BCLAF3: variants seen among roughly 807,000 people sequenced by gnomAD.
The protein encoded by BCLAF3 is BCLAF1 and THRAP3 family member 3, also known as transient octamer binding factor 1.
In BCLAF3, 24 loss-of-function variants were observed where a neutral mutation model predicts 51.2. The observed-to-expected ratio is 0.47, with a 90% CI of 0.34 to 0.66. The LOEUF is 0.66. Among genes scored for constraint, BCLAF3 ranks in the 30% least tolerant of loss-of-function variants. The pLI is 0.01. For missense variants in BCLAF3, 465 were observed against 525.1 expected (o/e 0.89, Z 1.12); for synonymous variants, 152 against 176.6 (o/e 0.86, Z 1.10).
intron 4 of BCLAF3, among the ~76,000 whole-genome samples, chrX:19,959,748 G>C (rs1453923005): frequency 2.7e-5 from 3 of 110,574 alleles, no homozygotes; most frequent in African/African-American, 9.9e-5. Flanking sequence ...ACTGCATCCA[G>C]CTTGGGTGAC....
In BCLAF3 at chrX:19,917,295, C is replaced by G. The variant is rs377571469; in HGVS notation, c.*10G>C. 2.0e-4 allele frequency: 240 copies of G among 1,195,867 alleles called. No homozygotes were observed. Among genetic ancestry groups the G allele is most frequent in the Non-Finnish European group, 2.4e-4 (216 of 884,345 alleles). On this transcript the variant is annotated 3_prime_UTR_variant, in exon 12 of 12. Coordinates refer to ENST00000379682, the MANE Select transcript of BCLAF3 (RefSeq NM_001367774.2). ...TCCTGTAGCGTCATTTCCATTTGTA[C>G]GATTTCAGATTAGATTCCTGTGGCA...
rs2071628627 is a variant in BCLAF3, at chrX:19,955,402, T to C, written c.1439A>G (p.His480Arg). 1 of 1,191,314 alleles carries C rather than the reference T, an allele frequency of 8.4e-7. No individual in the cohort carries two copies. Among genetic ancestry groups the C allele is most frequent in the African/African-American group, 1.8e-5 (1 of 56,245 alleles). The change falls in exon 5 of 12, where the codon CAT becomes CGT. Residue 480 changes from histidine to arginine, a missense_variant. Transcript: ENST00000379682. Reference protein sequence around the residue: ...EFAQEIITIIHQVKANYFPSP... With the variant: ...EFAQEIITIIRQVKANYFPSP... Reference sequence around the variant, plus strand: ...CAAAATATACCAACCTTTAACTTGATGGATTATTGTTATGATTTCCTGAGC... The same window carrying C: ...CAAAATATACCAACCTTTAACTTGACGGATTATTGTTATGATTTCCTGAGC...
intron 4 of BCLAF3, 47 bp downstream of exon 4, chrX:19,964,997 T>C (rs761555293): frequency 1.6e-5 from 16 of 1,015,489 alleles, no homozygotes; most frequent in East Asian, 3.2e-5. Context: ...CAAATAAAGA[T>C]TGTAGAAACA....
At position 19,959,817 on chromosome X, in the gene BCLAF3, T is replaced by C. The variant is rs769818897; in HGVS notation, c.1275-4251A>G. Among the ~76,000 whole-genome samples, 3 of 110,442 alleles carry C rather than the reference T, an allele frequency of 2.7e-5. No individual in the cohort carries two copies. In the South Asian group the frequency reaches 1.2e-3, roughly 44 times the overall value. On this transcript the variant is annotated intron_variant, in intron 4 of 11. Transcript: ENST00000379682. ...TCAACATTTTATTTTTATTTTCTTTTTGAGACAGGGTCTGGCTCTGTCACC... is the reference window on the plus strand; with the variant it reads ...TCAACATTTTATTTTTATTTTCTTTCTGAGACAGGGTCTGGCTCTGTCACC...
At chrX:19,951,221 T>C (rs1394599547) in intron 7 of BCLAF3, among the ~76,000 whole-genome samples, 2 of 111,027 alleles carry the variant, frequency 1.8e-5, no homozygotes, top group African/African-American at 6.6e-5. Flanking sequence ...ATGGTAAACT[T>C]AAGTCAAAAG....
intron 4 of BCLAF3, among the ~76,000 whole-genome samples, chrX:19,962,424 A>T (rs1455944396): frequency 8.9e-6 from 1 of 112,126 alleles, no homozygotes; most frequent in Non-Finnish European, 1.9e-5. Flanking sequence ...TCAAGCAATT[A>T]GCCTGCCCCG....
chrX:19,966,746 G>A (rs2147964347), intron 2 of BCLAF3, 97 bp from the exon 3 acceptor site: 7 of 688,170 alleles, frequency 1.0e-5, no homozygotes, highest in East Asian at 3.3e-5. Flanking sequence ...AGGATCCCTC[G>A]GCTTCTTCCA....
At chrX:19,922,902 A>C (rs868866526) in intron 11 of BCLAF3, among the ~76,000 whole-genome samples, 5 of 111,040 alleles carry the variant, frequency 4.5e-5, no homozygotes, top group African/African-American at 1.6e-4. Context: ...TCTCAAAAAA[A>C]AAAAATTATA....
At chrX:19,934,209 C>T (rs2070673408) in intron 10 of BCLAF3, among the ~76,000 whole-genome samples, 1 of 112,172 alleles carries the variant, frequency 8.9e-6, no homozygotes, top group African/African-American at 3.2e-5. Context: ...TTACATATAT[C>T]TTGAAAACAT....
intron 11 of BCLAF3, among the ~76,000 whole-genome samples, chrX:19,927,936 C>A (rs2070411686): frequency 9.3e-6 from 1 of 107,756 alleles, no homozygotes; most frequent in Admixed American, 1.0e-4. Flanking sequence ...AGTGCAGTTG[C>A]ATGATCATGG....
chrX:19,966,755 C>A, intron 2 of BCLAF3, 106 bp from the exon 3 acceptor site: 1 of 630,272 alleles, frequency 1.6e-6, no homozygotes, highest in South Asian at 2.9e-5. Flanking sequence ...CGGCTTCTTC[C>A]ACTCAAACTA....
rs773230676 is a variant in BCLAF3, at chrX:19,965,734, T to C, written c.612-28A>G. On this transcript the variant is annotated intron_variant, in intron 3 of 11. Transcript: ENST00000379682. The stretch of plus-strand genomic sequence containing the variant: ...GTGTTGACATAAAGCAGTTTACACT[T>C]GCAATAGAGAGAAGAAAGGGAGAAT... 4.5e-6 allele frequency: 5 copies of C among 1,099,166 alleles called. No homozygotes were observed. In the East Asian group the frequency reaches 1.5e-4, roughly 34 times the overall value. 90.6% of individuals were successfully genotyped at this position (1,099,166 alleles called of 1,213,427 possible). A position where few individuals can be genotyped will look rare whatever the true frequency, so the allele number is the denominator to read the frequency against.
chrX:19,980,181 C>A (rs2072564753), intron 1 of BCLAF3, among the ~76,000 whole-genome samples: 1 of 111,675 alleles, frequency 9.0e-6, no homozygotes, highest in Non-Finnish European at 1.9e-5. Context: ...TAATCTAGAA[C>A]AAGTAAGTCT....
intron 2 of BCLAF3, among the ~76,000 whole-genome samples, chrX:19,968,013 ATC>A (rs992189129): frequency 1.8e-5 from 2 of 112,503 alleles, no homozygotes; most frequent in Admixed American, 1.9e-4. Context: ...GGAAGATTTC[ATC>A]TCTTTCACAG....
intron 1 of BCLAF3, among the ~76,000 whole-genome samples, chrX:19,979,943 G>A (rs1360333950): frequency 9.1e-6 from 1 of 110,307 alleles, no homozygotes; most frequent in Non-Finnish European, 1.9e-5. Context: ...ATAGTGGGGA[G>A]AGGGAAAGAA....
chrX:19,928,742 C>T (rs2070444837), intron 11 of BCLAF3, among the ~76,000 whole-genome samples: 1 of 108,877 alleles, frequency 9.2e-6, no homozygotes, highest in South Asian at 3.8e-4. Flanking sequence ...ACCATTCAGC[C>T]TTAAAAAGAA....
intron 8 of BCLAF3, among the ~76,000 whole-genome samples, chrX:19,941,547 G>C (rs1276016738): frequency 9.2e-6 from 1 of 108,315 alleles, no homozygotes; most frequent in African/African-American, 3.5e-5. Context: ...CCCATTGCTT[G>C]TTTTTCTCGG....
rs1429757062 is a variant in BCLAF3, at chrX:19,940,666, A to G, written c.1746-3134T>C. 5.5e-5 allele frequency among the ~76,000 whole-genome samples: 6 copies of G among 108,537 alleles called. No homozygotes were observed. In the Admixed American group the frequency reaches 5.9e-4, roughly 11 times the overall value. 94.3% of individuals were successfully genotyped at this position (108,537 alleles called of 115,157 possible). A position where few individuals can be genotyped will look rare whatever the true frequency, so the allele number is the denominator to read the frequency against. ...GTGCCACATTTTCTTAATCCAGTCT[A>G]TCATTGTTGGACATTTGGGTTGGTT... On this transcript the variant is annotated intron_variant, in intron 8 of 11. Transcript: ENST00000379682.
At chrX:19,981,897 A>C (rs2098911381) in intron 1 of BCLAF3, among the ~76,000 whole-genome samples, 2 of 94,141 alleles carry the variant, frequency 2.1e-5, no homozygotes, top group Non-Finnish European at 2.0e-5. Context: ...ATGATGGCTA[A>C]TGGGCACAGA....
Sources: gnomAD v4.1 joint callset for allele counts (sites outside exome capture counted in the v4.1 genomes callset) on GRCh38, gnomAD v4.1.1 for gene constraint, MANE v1.5 for transcripts, NCBI Gene and HGNC (gene_info 2026-07-23, HGNC 2026-07-21) for gene names.